NDRG2: variants seen among roughly 807,000 people sequenced by gnomAD.
NDRG2 encodes NDRG family member 2.
A neutral mutation model predicts 58.2 loss-of-function variants in NDRG2; 34 were observed. The ratio of observed to expected loss-of-function variants is 0.58; its 90% CI spans 0.44 to 0.78. NDRG2 has a LOEUF of 0.78. NDRG2 is among the 30% of genes least tolerant of loss of function. NDRG2 has a pLI of 0.00. For synonymous variants in NDRG2, 187 were observed against 175.9 expected (o/e 1.06, Z -0.50); for missense variants, 434 against 471.2 (o/e 0.92, Z 0.73).
chr14:21,022,731 G>T, intron 3 of NDRG2, 133 bp downstream of exon 3: 1 of 815,228 alleles, frequency 1.2e-6, no homozygotes, highest in Non-Finnish European at 1.9e-6. Flanking sequence ...AGAGGGGAGA[G>T]ATAGGGAAGG....
upstream of NDRG2, chr14:21,025,707 G>A (rs1377442430): frequency 1.7e-5 from 17 of 984,848 alleles, no homozygotes; most frequent in Non-Finnish European, 1.8e-5. The surrounding 1 kb of genome is among the most constrained non-coding windows in gnomAD (Gnocchi z 5.1). Flanking sequence ...CCCGACGCCT[G>A]CTCTCCGGCT....
intron 1 of NDRG2, chr14:21,032,559 A>G (rs1049552309): frequency 8.6e-6 from 3 of 347,740 alleles, no homozygotes; most frequent in African/African-American, 6.5e-5. Flanking sequence ...GTGGAGGAGT[A>G]GAAGCCAGCT....
chr14:21,032,391 C>A, intron 1 of NDRG2: 1 of 472,138 alleles, frequency 2.1e-6, no homozygotes, highest in Non-Finnish European at 4.2e-6. Context: ...GTAAAAGTAT[C>A]TACTACTTGT....
chr14:21,030,827 G>A, upstream of NDRG2: 1 of 1,563,106 alleles, frequency 6.4e-7, no homozygotes, highest in Non-Finnish European at 8.7e-7. Context: ...GGGTTCACGT[G>A]GTGGAACATT....
Position 21,019,107 on chromosome 14 carries a change from A to C in NDRG2, c.761+9T>G. ...GAGACAGGCAATGCATTATCTCTTA[A>C]AGTCTTACCTGAGGGTGATATCACC... On this transcript the variant is annotated intron_variant, in intron 11 of 15. Coordinates refer to ENST00000556147, the MANE Select transcript of NDRG2 (RefSeq NM_001320329.2). The C allele has an allele frequency of 6.2e-7, 1 of 1,606,964 alleles. No homozygotes were observed. The highest frequency in any genetic ancestry group is 1.1e-5 in the South Asian group (1 of 90,122).
At chr14:21,065,891 G>A (rs1269514275) in intron 1 of NDRG2, among the ~76,000 whole-genome samples, 2 of 152,212 alleles carry the variant, frequency 1.3e-5, no homozygotes, top group African/African-American at 4.8e-5. Flanking sequence ...CTGAGGTCAG[G>A]AGTTTGAGAC....
chr14:21,030,994 T>G, intron 1 of NDRG2: 1 of 1,587,950 alleles, frequency 6.3e-7, no homozygotes, highest in Non-Finnish European at 8.6e-7. Context: ...GTTTCTGGAT[T>G]TCTGTCTAAC....
chr14:21,067,452 A>G (rs965854834), intron 1 of NDRG2, among the ~76,000 whole-genome samples: 21 of 152,164 alleles, frequency 1.4e-4, no homozygotes, highest in African/African-American at 4.3e-4. Context: ...ATGAGACCCT[A>G]TAACTTACTG....
At chr14:21,059,699 C>T (rs1184629562) in intron 1 of NDRG2, among the ~76,000 whole-genome samples, 2 of 152,064 alleles carry the variant, frequency 1.3e-5, no homozygotes, top group East Asian at 3.9e-4. Context: ...AGGGTTTCAC[C>T]ATGTTACCCG....
intron 1 of NDRG2, chr14:21,042,918 A>T: frequency 7.8e-7 from 1 of 1,280,762 alleles, no homozygotes; most frequent in Non-Finnish European, 1.1e-6. Flanking sequence ...CAGGTATAAG[A>T]GGACTAATTT....
intron 1 of NDRG2, among the ~76,000 whole-genome samples, chr14:21,047,426 G>A (rs1039206499): frequency 2.0e-5 from 3 of 152,086 alleles, no homozygotes; most frequent in Non-Finnish European, 4.4e-5. Context: ...TCAATCCTTC[G>A]TGTGACCTTG....
intron 2 of NDRG2, 134 bp downstream of exon 2, chr14:21,023,107 G>C: frequency 1.1e-6 from 1 of 911,234 alleles, no homozygotes; most frequent in African/African-American, 1.6e-5. Context: ...ATAGTGTATG[G>C]GGAGAGAGAC....
At chr14:21,026,932 AGAGGGAGAGCCTC>A (rs139022707), upstream of NDRG2, among the ~76,000 whole-genome samples, 3,020 of 152,232 alleles carry the variant, frequency 0.02, 101 homozygotes, top group African/African-American at 0.068. Context: ...GAACCTGGGG[AGAGGGAGAGCCTC>A]GAGTGAGAAC....
upstream of NDRG2, among the ~76,000 whole-genome samples, chr14:21,026,566 T>C (rs1469155318): frequency 3.3e-5 from 5 of 149,444 alleles, no homozygotes; most frequent in African/African-American, 4.9e-5. Flanking sequence ...CAATGCCCCT[T>C]TCATCCCCAC....
chr14:21,036,525 C>T (rs959101333), intron 1 of NDRG2, among the ~76,000 whole-genome samples: 5 of 152,258 alleles, frequency 3.3e-5, no homozygotes, highest in Middle Eastern at 3.4e-3. Context: ...ACATGTGACC[C>T]GCGGGCCATG....
chr14:21,031,846 C>T (rs1050019880), intron 1 of NDRG2: 2 of 1,587,182 alleles, frequency 1.3e-6, no homozygotes, highest in African/African-American at 2.7e-5. Flanking sequence ...AGGGATATGA[C>T]AGCGTAAGGA....
chr14:21,045,451 A>C (rs1016876221), intron 1 of NDRG2, among the ~76,000 whole-genome samples: 2 of 152,242 alleles, frequency 1.3e-5, no homozygotes, highest in African/African-American at 4.8e-5. Flanking sequence ...AAGTTTATCC[A>C]AAATCTGAAT....
chr14:21,036,609 C>T (rs1194359265), intron 1 of NDRG2, among the ~76,000 whole-genome samples: 1 of 152,172 alleles, frequency 6.6e-6, no homozygotes, highest in Non-Finnish European at 1.5e-5. Context: ...TGATCTTGCA[C>T]CTGCCCATGT....
intron 1 of NDRG2, among the ~76,000 whole-genome samples, chr14:21,051,350 T>C (rs529685996): frequency 6.6e-6 from 1 of 152,340 alleles, no homozygotes; most frequent in East Asian, 1.9e-4. Flanking sequence ...CAGTAAATGT[T>C]AACTATGATT....
Sources: allele counts gnomAD v4.1 joint callset (sites outside exome capture counted in the v4.1 genomes callset), GRCh38; gene constraint gnomAD v4.1.1; non-coding constraint Gnocchi (gnomAD v3.1); transcripts MANE v1.5; gene names NCBI Gene and HGNC (gene_info 2026-07-23, HGNC 2026-07-21).